Variants in DHRSX observed in about 807,000 individuals in gnomAD.
DHRSX encodes polyprenol dehydrogenase.
A neutral mutation model predicts 34.0 loss-of-function variants in DHRSX; 31 were observed. The ratio of observed to expected loss-of-function variants is 0.91; its 90% CI spans 0.69 to 1.23. The LOEUF (loss-of-function observed/expected upper bound fraction) is 1.23, where lower values mean the gene tolerates loss of function less well. DHRSX is among the 50% of genes most tolerant of loss of function. The pLI, the probability that DHRSX is intolerant of heterozygous loss-of-function variation, is 0.00. For synonymous variants in DHRSX, 201 were observed against 183.8 expected, an observed-to-expected ratio of 1.09 and a Z score of -0.76; for missense variants, 414 against 428.1, an observed-to-expected ratio of 0.97 and a Z score of 0.29.
At chrX:2,490,244 C>T (rs758632919) in intron 1 of DHRSX, 19 of 1,613,900 alleles carry the variant, frequency 1.2e-5, no homozygotes, top group Admixed American at 3.3e-5. Flanking sequence ...CAGCTCATAC[C>T]GGGGGTCGGC....
At chrX:2,433,635 G>GT (rs2043955941) in intron 1 of DHRSX, among the ~76,000 whole-genome samples, 2 of 152,024 alleles carry the variant, frequency 1.3e-5, no homozygotes, top group Non-Finnish European at 2.9e-5. Context: ...GCTCCTACTT[G>GT]TAAGTGAGAA....
At chrX:2,383,777 G>C (rs1261394925) in intron 3 of DHRSX, among the ~76,000 whole-genome samples, 2 of 152,196 alleles carry the variant, frequency 1.3e-5, no homozygotes, top group African/African-American at 4.8e-5. Flanking sequence ...GAGTTGTAAG[G>C]CACCTGGCTT....
At chrX:2,360,521 T>G (rs907135355) in intron 3 of DHRSX, among the ~76,000 whole-genome samples, 8 of 152,092 alleles carry the variant, frequency 5.3e-5, no homozygotes, top group Non-Finnish European at 1.0e-4. Flanking sequence ...AGGCGGAGAT[T>G]GCAGTGAGCC....
chrX:2,451,967 A>G lies in DHRSX; in HGVS notation c.110-26663T>C, dbSNP rs1037241222. On this transcript the variant is annotated intron_variant, in intron 1 of 6. Coordinates refer to ENST00000334651, the MANE Select transcript of DHRSX (RefSeq NM_145177.3). ...TACACATTGAAGACATTCCCTAAGT[A>G]TGTGGCTAAGGCACCACTGCCATGT... Among the ~76,000 whole-genome samples the G allele has an allele frequency of 7.2e-5, 11 of 151,798 alleles. No individual in the cohort carries two copies. The South Asian group carries it at 8.3e-4, about 12-fold the overall frequency.
chrX:2,303,861 GTGGA>G (rs2042051146), intron 3 of DHRSX, among the ~76,000 whole-genome samples: 8 of 108,384 alleles, frequency 7.4e-5, no homozygotes, highest in Admixed American at 9.3e-5. Context: ...GGGTGGATGG[GTGGA>G]TGGGTGGATG....
chrX:2,371,476 CCCTCCTCCTCCCGTTACCGTAGA>C, intron 3 of DHRSX, among the ~76,000 whole-genome samples: 1 of 140,382 alleles, frequency 7.1e-6, no homozygotes, highest in Admixed American at 7.0e-5. Context: ...TTACCATAGA[CCCTCCTCCTCCCGTTACCGTAGA>C]CCCTCCCCGT....
intron 3 of DHRSX, among the ~76,000 whole-genome samples, chrX:2,330,113 AGAG>A (rs1336366516): frequency 9.8e-6 from 1 of 102,050 alleles, no homozygotes; most frequent in Non-Finnish European, 1.9e-5. Flanking sequence ...AGAGAGAGAG[AGAG>A]AGAGAGACAG....
intron 1 of DHRSX, among the ~76,000 whole-genome samples, chrX:2,457,910 T>G (rs1441922785): frequency 1.3e-5 from 2 of 150,218 alleles, no homozygotes; most frequent in Non-Finnish European, 3.0e-5. Context: ...ATATGTTCCG[T>G]AAGCATGTAG....
intron 3 of DHRSX, among the ~76,000 whole-genome samples, chrX:2,396,105 C>T (rs1314159239): frequency 6.6e-6 from 1 of 152,042 alleles, no homozygotes; most frequent in East Asian, 1.9e-4. Context: ...GTGGCCGCAT[C>T]GCTCCAGTCT....
intron 4 of DHRSX, among the ~76,000 whole-genome samples, chrX:2,283,528 A>G (rs759313022): frequency 6.6e-6 from 1 of 152,258 alleles, no homozygotes; most frequent in African/African-American, 2.4e-5. Flanking sequence ...CGAGTCACAT[A>G]GAAAATGCCA....
chrX:2,430,483 G>A (rs1347780365), intron 1 of DHRSX, among the ~76,000 whole-genome samples: 5 of 152,058 alleles, frequency 3.3e-5, no homozygotes, highest in East Asian at 1.9e-4. Flanking sequence ...TCGCAAGATC[G>A]GGCTTCCTCA....
chrX:2,239,715 G>A (rs905123039), intron 6 of DHRSX, among the ~76,000 whole-genome samples: 2 of 152,118 alleles, frequency 1.3e-5, no homozygotes, highest in Middle Eastern at 3.2e-3. Context: ...CTTGCAGTGA[G>A]CTGAGATCGC....
At chrX:2,298,595 CGT>C (rs1336089760) in intron 3 of DHRSX, among the ~76,000 whole-genome samples, 4 of 137,788 alleles carry the variant, frequency 2.9e-5, no homozygotes, top group South Asian at 2.6e-4. Context: ...CCTGCAGGCG[CGT>C]GTGTACACAC....
chrX:2,330,040 A>G (rs980267926), intron 3 of DHRSX, among the ~76,000 whole-genome samples: 1 of 123,060 alleles, frequency 8.1e-6, no homozygotes, highest in Non-Finnish European at 1.6e-5. Context: ...ATGGACGTCA[A>G]TGAGAGTGAA....
At chrX:2,446,355 G>T (rs2044134663) in intron 1 of DHRSX, among the ~76,000 whole-genome samples, 1 of 150,510 alleles carries the variant, frequency 6.6e-6, no homozygotes, top group Non-Finnish European at 1.5e-5. Flanking sequence ...GGACCTCACT[G>T]AAGACGTTCC....
chrX:2,271,830 T>G (rs890634058), intron 4 of DHRSX, among the ~76,000 whole-genome samples: 1 of 151,990 alleles, frequency 6.6e-6, no homozygotes, highest in Non-Finnish European at 1.5e-5. Flanking sequence ...TCAGTTCAGG[T>G]CAGGAGTTCG....
chrX:2,386,872 T>C (rs1355248959), intron 3 of DHRSX, among the ~76,000 whole-genome samples: 1 of 142,650 alleles, frequency 7.0e-6, no homozygotes, highest in Non-Finnish European at 1.5e-5. Flanking sequence ...AAACTACTAT[T>C]GATGGTTTTG....
chrX:2,449,262 A>G (rs28754308), intron 1 of DHRSX, among the ~76,000 whole-genome samples: 52 of 151,454 alleles, frequency 3.4e-4, no homozygotes, highest in African/African-American at 9.7e-4. Flanking sequence ...ACACGAGGTC[A>G]TCTCACAAAG....
intron 3 of DHRSX, among the ~76,000 whole-genome samples, chrX:2,395,343 G>T (rs1220966941): frequency 6.6e-6 from 1 of 152,170 alleles, no homozygotes; most frequent in East Asian, 1.9e-4. Context: ...GGCCAGCCAG[G>T]GGGTGGAGGG....
Sources: allele counts gnomAD v4.1 joint callset (sites outside exome capture counted in the v4.1 genomes callset), GRCh38; gene constraint gnomAD v4.1.1; transcripts MANE v1.5; gene names NCBI Gene and HGNC (gene_info 2026-07-23, HGNC 2026-07-21).